Variants in MAN2A1 observed in about 807,000 individuals in gnomAD.
MAN2A1 encodes alpha-mannosidase 2.
A neutral mutation model predicts 142.6 loss-of-function variants in MAN2A1; 76 were observed. The ratio of observed to expected loss-of-function variants is 0.53; its 90% confidence interval spans 0.44 to 0.65. MAN2A1 has a LOEUF of 0.65. Among genes scored for constraint, MAN2A1 ranks in the 30% least tolerant of loss-of-function variants. The pLI is 0.00. For synonymous variants in MAN2A1, 559 were observed against 473.2 expected, an observed-to-expected ratio of 1.18 and a Z score of -2.35; for missense variants, 1,311 against 1,365.1, an observed-to-expected ratio of 0.96 and a Z score of 0.62.
At chr5:109,704,915 T>G (rs1050795162) in intron 1 of MAN2A1, among the ~76,000 whole-genome samples, 2 of 152,186 alleles carry the variant, frequency 1.3e-5, no homozygotes, top group Admixed American at 6.5e-5. Context: ...GAAATTCATA[T>G]TTATTCTGGC....
chr5:109,767,862 C>G (rs1220073745), intron 6 of MAN2A1, among the ~76,000 whole-genome samples, 154 bp downstream of exon 6: 2 of 152,012 alleles, frequency 1.3e-5, no homozygotes, highest in Non-Finnish European at 2.9e-5. Flanking sequence ...TTCCCATGTG[C>G]CTGTGTCAAG....
intron 20 of MAN2A1, 92 bp from the exon 21 acceptor site, chr5:109,864,944 T>G: frequency 1.1e-6 from 1 of 885,186 alleles, no homozygotes; most frequent in Non-Finnish European, 1.9e-6. Flanking sequence ...AAATGTGCTT[T>G]TGGATGCTGA....
At position 109,716,197 on chromosome 5, in the gene MAN2A1, T is replaced by C. The variant is rs748250368; in HGVS notation, c.468T>C (p.Tyr156=). The part of the protein sequence containing the change: ...GVWKQGFDIT[Y]ESNEWDTEPL... Reference sequence around the variant, plus strand: ...GGAAGCAAGGATTTGACATTACTTATGAATCTAATGAATGGGACACTGAAC... The same window carrying C: ...GGAAGCAAGGATTTGACATTACTTACGAATCTAATGAATGGGACACTGAAC... Residue 156 remains tyrosine (Y), a synonymous_variant, in exon 3 of 22, where the codon TAT becomes TAC. Transcript: ENST00000261483. 5.0e-6 allele frequency: 8 copies of C among 1,611,694 alleles called. No individual in the cohort carries two copies. Among genetic ancestry groups the C allele is most frequent in the African/African-American group, 2.7e-5 (2 of 74,888 alleles).
intron 3 of MAN2A1, among the ~76,000 whole-genome samples, chr5:109,717,245 C>T (rs1303919303): frequency 6.6e-6 from 1 of 151,928 alleles, no homozygotes; most frequent in Admixed American, 6.6e-5. Flanking sequence ...CATTTTTTCC[C>T]CATTAGTTTA....
At chr5:109,798,080 A>C (rs868481363) in intron 12 of MAN2A1, among the ~76,000 whole-genome samples, 1 of 152,224 alleles carries the variant, frequency 6.6e-6, no homozygotes, top group African/African-American at 2.4e-5. Context: ...GGAAACAATT[A>C]GACGTAGTGA....
chr5:109,731,628 T>C (rs1751915744), intron 4 of MAN2A1, among the ~76,000 whole-genome samples: 1 of 150,924 alleles, frequency 6.6e-6, no homozygotes, highest in Non-Finnish European at 1.5e-5. Flanking sequence ...TTTTTGTCCT[T>C]GCGATAATTT....
At chr5:109,762,429 A>G (rs1349549943) in intron 5 of MAN2A1, among the ~76,000 whole-genome samples, 2 of 152,140 alleles carry the variant, frequency 1.3e-5, no homozygotes, top group South Asian at 2.1e-4. Context: ...ATGTGCACAC[A>G]TACATACATT....
intron 5 of MAN2A1, among the ~76,000 whole-genome samples, chr5:109,763,519 T>C (rs1230924980): frequency 1.4e-5 from 2 of 147,164 alleles, no homozygotes; most frequent in Non-Finnish European, 3.0e-5. Context: ...TTAAAATTTA[T>C]TTTAGTATTA....
chr5:109,847,397 A>T (rs552147316), intron 18 of MAN2A1, among the ~76,000 whole-genome samples: 1 of 152,310 alleles, frequency 6.6e-6, no homozygotes, highest in East Asian at 1.9e-4. Flanking sequence ...GTCCTGTCTC[A>T]CTTTTAAATT....
chr5:109,773,811 G>A (rs1283632925), intron 7 of MAN2A1, among the ~76,000 whole-genome samples: 1 of 152,092 alleles, frequency 6.6e-6, no homozygotes, highest in Admixed American at 6.6e-5. Flanking sequence ...ACTTTCGTAA[G>A]TTTTTATATT....
intron 12 of MAN2A1, among the ~76,000 whole-genome samples, chr5:109,812,776 A>G (rs1158323702): frequency 6.6e-6 from 1 of 152,210 alleles, no homozygotes; most frequent in Non-Finnish European, 1.5e-5. Flanking sequence ...TGAAATAATC[A>G]AAATGGAACT....
At chr5:109,862,880 T>C (rs1755790883) in intron 20 of MAN2A1, 1 of 152,200 alleles carries the variant, frequency 6.6e-6, no homozygotes, top group Non-Finnish European at 1.5e-5. Context: ...TGAGAGAAAG[T>C]ATAACTTTTT....
At chr5:109,831,566 TG>T (rs1754907068) in intron 16 of MAN2A1, among the ~76,000 whole-genome samples, 1 of 152,248 alleles carries the variant, frequency 6.6e-6, no homozygotes, top group Admixed American at 6.5e-5. Context: ...GATGTTATTT[TG>T]GTGTATTGTA....
At chr5:109,703,239 A>T (rs1751038978) in intron 1 of MAN2A1, among the ~76,000 whole-genome samples, 1 of 152,238 alleles carries the variant, frequency 6.6e-6, no homozygotes, top group Non-Finnish European at 1.5e-5. Context: ...ACTTGTTTAA[A>T]ATTATAAGAT....
intron 16 of MAN2A1, among the ~76,000 whole-genome samples, chr5:109,830,857 AG>A (rs752663373): frequency 2.8e-4 from 43 of 152,356 alleles, no homozygotes; most frequent in Non-Finnish European, 4.7e-4. Flanking sequence ...GGTTATTTTA[AG>A]GGACTGCAAG....
rs1366486457 is a variant in MAN2A1 at position 109,855,158 on chromosome 5, G to A, written c.2995G>A (p.Val999Ile). The A allele has an allele frequency of 2.6e-6, 4 of 1,547,428 alleles. No individual in the cohort carries two copies. Among genetic ancestry groups the A allele is most frequent in the Admixed American group, 4.2e-5 (2 of 47,750 alleles). Reference sequence around the variant, plus strand: ...TTGATAGGAAGAAGAAAAGAAGTCGGTCAGTTATCCTTCTCTCCTTAGCCA... The same window carrying A: ...TTGATAGGAAGAAGAAAAGAAGTCGATCAGTTATCCTTCTCTCCTTAGCCA... Reference protein sequence around the residue: ...AVNTEEEKKSVSYPSLLSHIT... With the variant: ...AVNTEEEKKSISYPSLLSHIT... Residue 999 changes from valine to isoleucine, a missense_variant, in exon 20 of 22, where the codon GTC becomes ATC. Val to Ile is a conservative substitution (Grantham distance 29). Around this residue, in one of 3 missense-constraint regions of MAN2A1, gnomAD observed 890 missense variants for 920.5 expected, o/e 0.97. Coordinates refer to ENST00000261483, the MANE Select transcript of MAN2A1 (RefSeq NM_002372.4).
intron 8 of MAN2A1, among the ~76,000 whole-genome samples, chr5:109,778,398 A>G (rs1753353367): frequency 6.6e-6 from 1 of 152,068 alleles, no homozygotes; most frequent in Non-Finnish European, 1.5e-5. Context: ...CCTCTAGTAT[A>G]ATGTTGAGTA....
chr5:109,767,234 T>C (rs1351334344), intron 5 of MAN2A1, among the ~76,000 whole-genome samples: 1 of 152,192 alleles, frequency 6.6e-6, no homozygotes, highest in Admixed American at 6.5e-5. Flanking sequence ...TCTCTACCTC[T>C]AGTTAATGGC....
chr5:109,760,515 T>G (rs1752813823), intron 5 of MAN2A1, among the ~76,000 whole-genome samples: 1 of 152,166 alleles, frequency 6.6e-6, no homozygotes, highest in South Asian at 2.1e-4. Context: ...GGGATTGCTG[T>G]GTCAAATGGT....
Sources: allele counts gnomAD v4.1 joint callset (sites outside exome capture counted in the v4.1 genomes callset), GRCh38; gene constraint gnomAD v4.1.1; regional missense constraint gnomAD v4.1.1; transcripts MANE v1.5; gene names NCBI Gene and HGNC (gene_info 2026-07-23, HGNC 2026-07-21).